The following NUP54 variants were observed in gnomAD, a reference collection of about 807,000 sequenced individuals.
The protein encoded by NUP54 is nucleoporin p54.
Under a neutral mutation model 66.4 loss-of-function variants are expected in NUP54, and 27 were observed. That is an observed-to-expected ratio of 0.41 (90% CI 0.30 to 0.56). The LOEUF (loss-of-function observed/expected upper bound fraction) is 0.56, where lower values mean the gene tolerates loss of function less well. NUP54 is among the 20% of genes least tolerant of loss of function. The probability of loss-of-function intolerance (pLI) is 0.34; values close to 1 mark genes in which losing one functional copy is unlikely to be tolerated. For synonymous variants in NUP54, 206 were observed against 210.7 expected, an observed-to-expected ratio of 0.98 and a Z score of 0.19; for missense variants, 486 against 596.3, an observed-to-expected ratio of 0.82 and a Z score of 1.93.
intron 8 of NUP54, among the ~76,000 whole-genome samples, chr4:76,129,887 AACCTTAGCAAAG>A (rs1560682876): frequency 4.7e-5 from 5 of 107,228 alleles, no homozygotes; most frequent in South Asian, 2.8e-4. Flanking sequence ...AAAAAAAAAA[AACCTTAGCAAAG>A]TTAAAAGAAT....
chr4:76,144,239 T>G lies in NUP54; in HGVS notation c.205A>C (p.Thr69Pro), dbSNP rs549269574. 14 of 1,613,914 alleles carry G rather than the reference T, an allele frequency of 8.7e-6. No homozygotes were observed. In the East Asian group the frequency reaches 1.3e-4, roughly 15 times the overall value. Residue 69 changes from threonine (T) to proline (P), a missense_variant, in exon 3 of 12, where the codon ACA becomes CCA. Physicochemically the swap from Thr to Pro is conservative, Grantham distance 38. This residue lies in a region of NUP54 where 145 missense variants were observed against 137.1 expected (regional missense o/e 1.06). Transcript: ENST00000264883. ...AAACCAGTACTAGTTCCCGTTGTTG[T>G]GCCAAAACCAGTACCAAATCCAAAA... ...KGFGFGTGFG[T>P]TTGTSTGLGT...
chr4:76,141,535 T>G lies in NUP54; in HGVS notation c.295+2614A>C, dbSNP rs558417084. On this transcript the variant is annotated intron_variant, in intron 3 of 11. Coordinates refer to ENST00000264883, the MANE Select transcript of NUP54 (RefSeq NM_017426.4). ...AGAAGCCCAAGATACCTTTATCCAG[T>G]CATTCGCTTTTATTGATTCTACAAG... Among the ~76,000 whole-genome samples the G allele has an allele frequency of 7.2e-5, 11 of 152,226 alleles. No individual in the cohort carries two copies. In the East Asian group the frequency reaches 2.1e-3, roughly 29 times the overall value.
intron 9 of NUP54, among the ~76,000 whole-genome samples, chr4:76,120,380 T>C (rs576534409): frequency 3.9e-4 from 59 of 151,544 alleles, no homozygotes; most frequent in African/African-American, 1.3e-3. Flanking sequence ...CAGGTGGTGG[T>C]GGTTTAAATT....
At chr4:76,146,939 A>G (rs978753597) in intron 1 of NUP54, among the ~76,000 whole-genome samples, 1 of 152,240 alleles carries the variant, frequency 6.6e-6, no homozygotes, top group Non-Finnish European at 1.5e-5. Flanking sequence ...CTATAATTAC[A>G]AATCTTATAG....
At chr4:76,143,158 A>T (rs917158282) in intron 3 of NUP54, among the ~76,000 whole-genome samples, 1 of 152,164 alleles carries the variant, frequency 6.6e-6, no homozygotes, top group Non-Finnish European at 1.5e-5. Context: ...AAAACAACAA[A>T]ATATATATAT....
At chr4:76,133,640 T>C (rs1364759960) in intron 5 of NUP54, among the ~76,000 whole-genome samples, 1 of 152,206 alleles carries the variant, frequency 6.6e-6, no homozygotes, top group African/African-American at 2.4e-5. Context: ...GTTTGCTTAG[T>C]TGCAAAATCC....
At chr4:76,140,925 T>C (rs1363360167) in intron 3 of NUP54, among the ~76,000 whole-genome samples, 1 of 152,188 alleles carries the variant, frequency 6.6e-6, no homozygotes, top group Non-Finnish European at 1.5e-5. Flanking sequence ...CCATGGAATC[T>C]AAGCTAGTTA....
intron 4 of NUP54, among the ~76,000 whole-genome samples, chr4:76,135,513 A>C (rs1398177162): frequency 6.6e-6 from 1 of 152,260 alleles, no homozygotes; most frequent in Non-Finnish European, 1.5e-5. Context: ...GTAATAAGAC[A>C]GGCTGACCAC....
chr4:76,148,279 C>G, intron 1 of NUP54, 29 bp downstream of exon 1: 1 of 1,348,950 alleles, frequency 7.4e-7, no homozygotes, highest in Non-Finnish European at 9.6e-7. Context: ...CCCCTTCTTC[C>G]CGGGTGAAGG....
intron 4 of NUP54, among the ~76,000 whole-genome samples, chr4:76,135,603 C>T (rs755248292): frequency 2.0e-5 from 3 of 152,156 alleles, no homozygotes; most frequent in South Asian, 2.1e-4. Flanking sequence ...AAGAGACCAA[C>T]GTAGGCCAAT....
chr4:76,133,735 C>G (rs1321356929), intron 5 of NUP54, among the ~76,000 whole-genome samples: 1 of 151,976 alleles, frequency 6.6e-6, no homozygotes, highest in Admixed American at 6.6e-5. Context: ...AAAATCTGTT[C>G]AATTATTGCA....
chr4:76,148,348 C>G lies in NUP54; in HGVS notation c.27G>C (p.Ser9=). The G allele has an allele frequency of 6.5e-7, 1 of 1,546,026 alleles. No individual in the cohort carries two copies. The highest frequency in any genetic ancestry group is 8.7e-7 in the Non-Finnish European group (1 of 1,146,086). MAFNFGAP[S]GTSGTAAATA... ...TGGCTGCAGCGGTACCGGAGGTGCC[C>G]GAGGGAGCCCCAAAATTGAAGGCCA... The change falls in exon 1 of 12, where the codon TCG becomes TCC. Residue 9 remains serine, a synonymous_variant. Coordinates refer to ENST00000264883, the MANE Select transcript of NUP54 (RefSeq NM_017426.4).
At chr4:76,134,631 A>C (rs1051043539) in intron 4 of NUP54, among the ~76,000 whole-genome samples, 9 of 152,094 alleles carry the variant, frequency 5.9e-5, no homozygotes, top group African/African-American at 2.2e-4. Context: ...CCCCTAAAAA[A>C]TTTTGATATT....
At chr4:76,146,489 G>A (rs73826356) in intron 1 of NUP54, among the ~76,000 whole-genome samples, 1 of 152,096 alleles carries the variant, frequency 6.6e-6, no homozygotes, top group African/African-American at 2.4e-5. Context: ...AATATTCTTC[G>A]AACTGTTTTC....
chr4:76,115,731 C>A (rs1345273278), intron 11 of NUP54, among the ~76,000 whole-genome samples: 1 of 152,102 alleles, frequency 6.6e-6, no homozygotes, highest in African/African-American at 2.4e-5. Flanking sequence ...TATCTTCCAA[C>A]AAAAATGTTT....
At position 76,140,766 on chromosome 4, in the gene NUP54, G is replaced by A. The variant is rs908247377; in HGVS notation, c.295+3383C>T. Among the ~76,000 whole-genome samples, 13 of 152,148 alleles carry A rather than the reference G, an allele frequency of 8.5e-5. No homozygotes were observed. In the East Asian group the frequency reaches 2.1e-3, roughly 25 times the overall value. On this transcript the variant is annotated intron_variant, in intron 3 of 11. Transcript: ENST00000264883. ...GGTTGGTGATCAAGAATTTAGAGAG[G>A]TATTATCCCCTCTTCCATAATGTGT...
At chr4:76,121,077 A>C (rs939462013) in intron 9 of NUP54, among the ~76,000 whole-genome samples, 3 of 152,154 alleles carry the variant, frequency 2.0e-5, no homozygotes, top group African/African-American at 7.2e-5. Flanking sequence ...CTCAAATCCC[A>C]GGCTGTACAT....
chr4:76,124,299 T>C (rs991578865), intron 9 of NUP54, among the ~76,000 whole-genome samples: 5 of 152,192 alleles, frequency 3.3e-5, no homozygotes, highest in African/African-American at 2.4e-5. Context: ...ACACTCCTTT[T>C]TCTAGCACTC....
intron 9 of NUP54, among the ~76,000 whole-genome samples, chr4:76,123,536 G>A (rs1373218732): frequency 6.6e-6 from 1 of 150,552 alleles, no homozygotes; most frequent in African/African-American, 2.4e-5. Context: ...TTTCTGAGAT[G>A]GAGTCTTGCT....
Sources: gnomAD v4.1 joint callset for allele counts (sites outside exome capture counted in the v4.1 genomes callset) on GRCh38, gnomAD v4.1.1 for gene constraint, gnomAD v4.1.1 regional missense constraint, MANE v1.5 for transcripts, NCBI Gene and HGNC (gene_info 2026-07-23, HGNC 2026-07-21) for gene names.